Variants in DCHS2 observed in about 807,000 individuals in gnomAD.
DCHS2 encodes dachsous cadherin-related 2.
Under a neutral mutation model 182.4 loss-of-function variants are expected in DCHS2, and 142 were observed. The ratio of observed to expected loss-of-function variants is 0.78; its 90% confidence interval spans 0.68 to 0.89. DCHS2 has a LOEUF of 0.89. Ranked by LOEUF, DCHS2 falls within the 40% of genes least tolerant of loss-of-function variation. The pLI is 0.00. For synonymous variants in DCHS2, 1,740 were observed against 1,663.3 expected (o/e 1.05, Z -1.12); for missense variants, 4,319 against 4,198.6 (o/e 1.03, Z -0.79).
At chr4:154,275,576 C>T (rs1733817164) in intron 13 of DCHS2, among the ~76,000 whole-genome samples, 1 of 152,008 alleles carries the variant, frequency 6.6e-6, no homozygotes, top group South Asian at 2.1e-4. Context: ...TATGCCTTTA[C>T]AGTAGTACAA....
chr4:154,490,827 A>G lies in DCHS2; in HGVS notation c.529T>C (p.Ser177Pro). 3 of 1,551,566 alleles carry G rather than the reference A, an allele frequency of 1.9e-6. No individual in the cohort carries two copies. The highest frequency in any genetic ancestry group is 2.6e-6 in the Non-Finnish European group (3 of 1,146,940). Reference sequence around the variant, plus strand: ...GCGGTCCCTGGCGGGCTGAGCTCGGAGACGTCGAGTTGCAGGGAGTCGAGG... The same window carrying G: ...GCGGTCCCTGGCGGGCTGAGCTCGGGGACGTCGAGTTGCAGGGAGTCGAGG... ...FPLDSLQLDVSELSPPGTAFR... is the reference protein window; with the variant it reads ...FPLDSLQLDVPELSPPGTAFR... The change falls in exon 1 of 20, where the codon TCC becomes CCC. Residue 177 changes from serine to proline, a missense_variant. By Grantham distance (74) the Ser-to-Pro change is moderately conservative. Transcript: ENST00000357232.
chr4:154,315,993 T>C lies in DCHS2; in HGVS notation c.5021-6A>G. On this transcript the variant is annotated splice_polypyrimidine_tract_variant and splice_region_variant and intron_variant, in intron 9 of 19. Coordinates refer to ENST00000357232, the MANE Select transcript of DCHS2 (RefSeq NM_001358235.2). ...ACAGGTTGTGGTTAGTAAGCCTGTT[T>C]TGAAAATGGAAGAAAAGCAACATGT... 6.2e-7 allele frequency: 1 copy of C among 1,612,638 alleles called. No homozygotes were observed. Among genetic ancestry groups the C allele is most frequent in the Non-Finnish European group, 8.5e-7 (1 of 1,178,858 alleles).
intron 10 of DCHS2, among the ~76,000 whole-genome samples, chr4:154,310,081 A>G (rs1042527903): frequency 6.6e-6 from 1 of 152,212 alleles, no homozygotes; most frequent in African/African-American, 2.4e-5. Context: ...GGAGATGACT[A>G]TTCATGTAAA....
chr4:154,329,667 C>T lies in DCHS2; in HGVS notation c.3774G>A (p.Gly1258=), dbSNP rs377068935. ...TCACTAGCACAGTCATCTCATGGTGCCCCCGGTGCTCACGATCCAGTGCCA... is the reference window on the plus strand; with the variant it reads ...TCACTAGCACAGTCATCTCATGGTGTCCCCGGTGCTCACGATCCAGTGCCA... ...NWVALDREHR[G]HHEMTVLVTD... Residue 1258 remains glycine, a synonymous_variant, in exon 6 of 20, where the codon GGG becomes GGA. Transcript: ENST00000357232. 22 of 1,611,764 alleles carry T rather than the reference C, an allele frequency of 1.4e-5. No homozygotes were observed. In the Admixed American group the frequency reaches 2.3e-4, roughly 17 times the overall value.
chr4:154,420,275 A>AGATAGATAGAT (rs1270435995), intron 1 of DCHS2, among the ~76,000 whole-genome samples: 1 of 152,012 alleles, frequency 6.6e-6, no homozygotes, highest in African/African-American at 2.4e-5. Context: ...ATAGATAGAT[A>AGATAGATAGAT]GATAGATAGA....
chr4:154,410,574 C>CAAAAAAAAAA (rs1160670540), intron 1 of DCHS2, among the ~76,000 whole-genome samples: 2 of 35,364 alleles, frequency 5.7e-5, no homozygotes, highest in African/African-American at 2.0e-4. Flanking sequence ...GACTCCATCT[C>CAAAAAAAAAA]AAAAAAAAAA....
At chr4:154,460,896 T>G (rs147896117) in intron 1 of DCHS2, among the ~76,000 whole-genome samples, 1 of 152,256 alleles carries the variant, frequency 6.6e-6, no homozygotes, top group South Asian at 2.1e-4. Flanking sequence ...CTACAGAACA[T>G]GTAAAAACCC....
At chr4:154,377,467 G>A in intron 1 of DCHS2, 23 bp from the exon 2 acceptor site, 1 of 1,582,470 alleles carries the variant, frequency 6.3e-7, no homozygotes, top group Non-Finnish European at 8.6e-7. Context: ...AGGGTGATCA[G>A]GAGGAAACAG....
chr4:154,342,156 ATAACAG>A (rs1169286417), intron 3 of DCHS2, among the ~76,000 whole-genome samples: 1 of 152,216 alleles, frequency 6.6e-6, no homozygotes, highest in Non-Finnish European at 1.5e-5. Flanking sequence ...TCAGTGTGCA[ATAACAG>A]TAAGTCTAAA....
chr4:154,297,257 A>G (rs570776366), intron 13 of DCHS2, among the ~76,000 whole-genome samples: 6 of 152,282 alleles, frequency 3.9e-5, no homozygotes, highest in African/African-American at 1.4e-4. Context: ...TTACACCTGC[A>G]ACTTTTAGTT....
chr4:154,412,339 G>C (rs1732665730), intron 1 of DCHS2, among the ~76,000 whole-genome samples: 1 of 152,028 alleles, frequency 6.6e-6, no homozygotes, highest in African/African-American at 2.4e-5. Context: ...ATCAATTTCA[G>C]CATGTCCTCA....
rs371502851 is a variant in DCHS2 at position 154,489,526 on chromosome 4, G to T, written c.1830C>A (p.Ser610=). 202 of 1,551,644 alleles carry T rather than the reference G, an allele frequency of 1.3e-4. 2 individuals are homozygous for T. In the African/African-American group the frequency reaches 2.1e-3, roughly 16 times the overall value. ...AECGPSFAID[S]ESGAISTIRT... ...GGATAGTGCTGATCGCACCGCTTTCGGAATCAATGGCAAAAGATGGTCCAC... is the reference window on the plus strand; with the variant it reads ...GGATAGTGCTGATCGCACCGCTTTCTGAATCAATGGCAAAAGATGGTCCAC... The change falls in exon 1 of 20, where the codon TCC becomes TCA. Residue 610 remains serine, a synonymous_variant. Transcript: ENST00000357232.
rs1023974861 is a variant in DCHS2, at chr4:154,255,504, G to A, written c.6941+15C>T. 7 of 1,610,982 alleles carry A rather than the reference G, an allele frequency of 4.3e-6. No homozygotes were observed. The highest frequency in any genetic ancestry group is 5.9e-6 in the Non-Finnish European group (7 of 1,178,620). The stretch of plus-strand genomic sequence containing the variant: ...CAGAATAAATGGAGCCAATGGATCT[G>A]AACCCTGGACCAACCTGTAGGAGCT... On this transcript the variant is annotated intron_variant, in intron 16 of 19. Transcript: ENST00000357232.
At chr4:154,439,368 C>A (rs1176578824) in intron 1 of DCHS2, among the ~76,000 whole-genome samples, 2 of 152,046 alleles carry the variant, frequency 1.3e-5, no homozygotes, top group African/African-American at 2.4e-5. Context: ...TGAAAAAGTC[C>A]ATTTTCCCAT....
chr4:154,333,395 A>T lies in DCHS2; in HGVS notation c.2813T>A (p.Leu938Gln). The part of the protein sequence containing the change: ...RLGTIRTRKP[L>Q]DHETQPVVVL... The stretch of plus-strand genomic sequence containing the variant: ...AACCACGGGCTGCGTCTCGTGATCC[A>T]GGGGCTTCCGGGTGCGAATAGTGCC... Residue 938 changes from leucine (L) to glutamine (Q), a missense_variant, in exon 5 of 20, where the codon CTG becomes CAG. Transcript: ENST00000357232. 1.2e-6 allele frequency: 2 copies of T among 1,614,136 alleles called. No homozygotes were observed. The highest frequency in any genetic ancestry group is 1.7e-6 in the Non-Finnish European group (2 of 1,180,024).
At chr4:154,374,100 C>T in intron 2 of DCHS2, 1 of 664,566 alleles carries the variant, frequency 1.5e-6, no homozygotes, top group South Asian at 2.1e-5. Flanking sequence ...TCCCAATGCA[C>T]TTCTGGAGCA....
In DCHS2 at chr4:154,332,955, C is replaced by T; in HGVS notation, c.3253G>A (p.Glu1085Lys). ...KREHSPSWTFEHLVYQVEVSE... is the reference protein window; with the variant it reads ...KREHSPSWTFKHLVYQVEVSE... The stretch of plus-strand genomic sequence containing the variant: ...ACTTCCACTTGATAGACCAAATGTT[C>T]GAAAGTCCAGGATGGGCTGTGTTCG... The change falls in exon 5 of 20, where the codon GAA becomes AAA. Residue 1085 changes from glutamate (E) to lysine (K), a missense_variant. Glu to Lys is a moderately conservative substitution (Grantham distance 56, BLOSUM62 1). Transcript: ENST00000357232. 2 of 1,614,176 alleles carry T rather than the reference C, an allele frequency of 1.2e-6. No individual in the cohort carries two copies. The highest frequency in any genetic ancestry group is 1.7e-6 in the Non-Finnish European group (2 of 1,180,038).
chr4:154,391,719 G>T (rs1425283201), intron 1 of DCHS2, among the ~76,000 whole-genome samples: 1 of 152,118 alleles, frequency 6.6e-6, no homozygotes, highest in African/African-American at 2.4e-5. Flanking sequence ...GGTTCTGTGT[G>T]TTCCCAGCAG....
intron 13 of DCHS2, among the ~76,000 whole-genome samples, chr4:154,273,723 C>T (rs986471734): frequency 6.6e-6 from 1 of 151,992 alleles, no homozygotes; most frequent in African/African-American, 2.4e-5. Flanking sequence ...CTTTACTGGC[C>T]TTAGTCCTCT....
Sources: allele counts gnomAD v4.1 joint callset (sites outside exome capture counted in the v4.1 genomes callset), GRCh38; gene constraint gnomAD v4.1.1; transcripts MANE v1.5; gene names NCBI Gene and HGNC (gene_info 2026-07-23, HGNC 2026-07-21).